Variants in ACYP2 observed in about 807,000 individuals in gnomAD.
The protein encoded by ACYP2 is acylphosphatase-2.
In ACYP2, 12 loss-of-function variants were observed where a neutral mutation model predicts 11.2. The observed-to-expected ratio is 1.08, with a 90% CI of 0.69 to 1.74. The LOEUF (loss-of-function observed/expected upper bound fraction) is 1.74, where lower values mean the gene tolerates loss of function less well. Ranked by LOEUF, ACYP2 falls within the 40% of genes most tolerant of loss-of-function variation. ACYP2 has a pLI of 0.00. For missense variants in ACYP2, 134 were observed against 101.9 expected, an observed-to-expected ratio of 1.31 and a Z score of -1.35; for synonymous variants, 43 against 32.2, an observed-to-expected ratio of 1.33 and a Z score of -1.13.
intron 4 of ACYP2, among the ~76,000 whole-genome samples, chr2:54,134,790 G>C (rs575591473): frequency 2.6e-5 from 4 of 152,358 alleles, no homozygotes; most frequent in South Asian, 4.1e-4. Flanking sequence ...AGGAACCCCA[G>C]TGTATGCCTG....
intron 6 of ACYP2, among the ~76,000 whole-genome samples, chr2:54,180,004 T>C (rs777762318): frequency 2.0e-5 from 3 of 152,170 alleles, no homozygotes; most frequent in Non-Finnish European, 4.4e-5. Context: ...TCTGACCAAC[T>C]GACTGGCTTC....
At chr2:54,055,460 G>A (rs1369849173) in intron 3 of ACYP2, among the ~76,000 whole-genome samples, 1 of 152,042 alleles carries the variant, frequency 6.6e-6, no homozygotes, top group Non-Finnish European at 1.5e-5. Context: ...TATTTATATA[G>A]CATTCTATTA....
intron 2 of ACYP2, among the ~76,000 whole-genome samples, chr2:53,986,628 C>A (rs1672051688): frequency 6.7e-6 from 1 of 149,642 alleles, no homozygotes; most frequent in Non-Finnish European, 1.5e-5. Context: ...CCAAACCCGG[C>A]CTTTTTTTTT....
At chr2:54,245,713 T>A (rs1686918417) in intron 6 of ACYP2, among the ~76,000 whole-genome samples, 1 of 151,714 alleles carries the variant, frequency 6.6e-6, no homozygotes, top group African/African-American at 2.4e-5. Flanking sequence ...TAATCAGATT[T>A]TTTTTTTTTT....
intron 2 of ACYP2, among the ~76,000 whole-genome samples, chr2:54,046,901 C>T (rs1358131866): frequency 6.6e-6 from 1 of 152,224 alleles, no homozygotes; most frequent in Non-Finnish European, 1.5e-5. Context: ...AATCCAAGTT[C>T]TACCATTACC....
At chr2:54,111,565 C>T (rs766757744) in intron 4 of ACYP2, among the ~76,000 whole-genome samples, 3 of 152,232 alleles carry the variant, frequency 2.0e-5, no homozygotes, top group Non-Finnish European at 1.5e-5. Context: ...AAGCAATTTT[C>T]TGATAACTTG....
chr2:54,123,359 G>T (rs966735205), intron 4 of ACYP2: 8 of 398,424 alleles, frequency 2.0e-5, no homozygotes, highest in African/African-American at 1.6e-4. Context: ...AGTCAGGGAG[G>T]TTGTACGGTA....
intron 4 of ACYP2, 28 bp from the exon 2 acceptor site, chr2:54,135,425 C>A (rs1293138344): frequency 2.5e-6 from 4 of 1,601,460 alleles, no homozygotes; most frequent in African/African-American, 2.7e-5. Context: ...GACAAGCTGA[C>A]AATTCTTTTT....
chr2:53,988,328 T>G (rs546847090), intron 2 of ACYP2, among the ~76,000 whole-genome samples: 1 of 152,310 alleles, frequency 6.6e-6, no homozygotes, highest in South Asian at 2.1e-4. Context: ...TAGTTAGTTT[T>G]TATATGTGGC....
At chr2:54,225,552 C>T (rs1011127513) in intron 6 of ACYP2, among the ~76,000 whole-genome samples, 20 of 152,056 alleles carry the variant, frequency 1.3e-4, no homozygotes, top group African/African-American at 2.9e-4. Flanking sequence ...ATTATTGTCA[C>T]GATGAAGTTC....
chr2:54,048,816 G>A (rs1248758498), intron 2 of ACYP2, among the ~76,000 whole-genome samples: 2 of 152,208 alleles, frequency 1.3e-5, no homozygotes, highest in Admixed American at 1.3e-4. Flanking sequence ...GACAGACTTG[G>A]CTCTGAAATT....
intron 6 of ACYP2, among the ~76,000 whole-genome samples, chr2:54,247,629 TC>T (rs920595027): frequency 1.3e-5 from 2 of 152,224 alleles, no homozygotes; most frequent in East Asian, 3.8e-4. Context: ...GTGCTATACT[TC>T]TGATTTTAGA....
In ACYP2 at chr2:54,054,799, A is replaced by C. The variant is rs141916188; in HGVS notation, c.156-2440A>C. On this transcript the variant is annotated intron_variant, in intron 3 of 6. Coordinates refer to ENST00000607452, the MANE Select transcript of ACYP2 (RefSeq NM_001320586.2). ...AATACAAGAGACTTCCTTCTAAAGG[A>C]TTTGACATATCTCCCATTGTTTTCC... is the stretch of plus-strand genomic sequence containing the variant. 2.0e-3 allele frequency among the ~76,000 whole-genome samples: 311 copies of C among 152,312 alleles called. 1 individual carries two copies. The highest frequency in any genetic ancestry group is 6.7e-3 in the African/African-American group (277 of 41,576).
In ACYP2 at chr2:54,185,534, G is replaced by C. The variant is rs189727299; in HGVS notation, c.404+46786G>C. Among the ~76,000 whole-genome samples, 69 of 151,092 alleles carry C rather than the reference G, an allele frequency of 4.6e-4. 1 individual carries two copies. Among genetic ancestry groups the C allele is most frequent in the African/African-American group, 1.7e-3 (67 of 40,488 alleles). ...GGTTATTTACCGCCTAAAGCATAGG[G>C]ATTTTTTTAAAAAGAAACAACAAAA... On this transcript the variant is annotated intron_variant, in intron 6 of 6. Coordinates refer to ENST00000607452, the MANE Select transcript of ACYP2 (RefSeq NM_001320586.2).
chr2:54,205,421 T>G (rs1215145), intron 6 of ACYP2, among the ~76,000 whole-genome samples: 41,979 of 152,076 alleles, frequency 0.28, 5,968 homozygotes, highest in South Asian at 0.44. Flanking sequence ...TTGTCCTTGG[T>G]TTCTCACAAA....
chr2:54,212,100 C>T (rs1685350895), intron 6 of ACYP2, among the ~76,000 whole-genome samples: 2 of 152,050 alleles, frequency 1.3e-5, no homozygotes, highest in African/African-American at 2.4e-5. Context: ...GTGGTGATGG[C>T]GTGGCAGTGT....
At chr2:54,088,714 G>C (rs999326346) in intron 4 of ACYP2, among the ~76,000 whole-genome samples, 2 of 152,204 alleles carry the variant, frequency 1.3e-5, no homozygotes, top group Admixed American at 6.5e-5. Context: ...TGAGACTGTG[G>C]CTTAAAGTGA....
Position 54,039,395 on chromosome 2 carries a change from G to A in ACYP2, c.63-11563G>A, listed in dbSNP as rs148272155. Among the ~76,000 whole-genome samples, 649 of 151,598 alleles carry A rather than the reference G, an allele frequency of 4.3e-3. 7 individuals carry two copies. The highest frequency in any genetic ancestry group is 0.015 in the African/African-American group (616 of 41,292). On this transcript the variant is annotated intron_variant, in intron 2 of 6. Coordinates refer to ENST00000607452, the MANE Select transcript of ACYP2 (RefSeq NM_001320586.2). ...CAACCTCTGCCTCCCAGGCTCAAGCGATCCTCCCGCCTCAGCCTCCCTAGT... is the reference window on the plus strand; with the variant it reads ...CAACCTCTGCCTCCCAGGCTCAAGCAATCCTCCCGCCTCAGCCTCCCTAGT...
chr2:54,154,006 C>A (rs920518841), intron 6 of ACYP2, among the ~76,000 whole-genome samples: 26 of 151,498 alleles, frequency 1.7e-4, no homozygotes, highest in African/African-American at 5.6e-4. Flanking sequence ...TTATATTTTT[C>A]AGTGTACAGA....
Sources: allele counts gnomAD v4.1 joint callset (sites outside exome capture counted in the v4.1 genomes callset), GRCh38; gene constraint gnomAD v4.1.1; transcripts MANE v1.5; gene names NCBI Gene and HGNC (gene_info 2026-07-23, HGNC 2026-07-21).